GPC3: variants seen among roughly 807,000 people sequenced by gnomAD.
GPC3 encodes the protein glypican 3, also known as glypican-3.
Under a neutral mutation model 34.4 loss-of-function variants are expected in GPC3, and 3 were observed. That is an observed-to-expected ratio of 0.09 (90% CI 0.04 to 0.23). GPC3 has a LOEUF of 0.23. Ranked by LOEUF, GPC3 falls within the 10% of genes least tolerant of loss-of-function variation. The pLI, the probability that GPC3 is intolerant of heterozygous loss-of-function variation, is 1.00. For synonymous variants in GPC3, 177 were observed against 174.0 expected, an observed-to-expected ratio of 1.02 and a Z score of -0.13; for missense variants, 351 against 445.6, an observed-to-expected ratio of 0.79 and a Z score of 1.91.
intron 2 of GPC3, among the ~76,000 whole-genome samples, chrX:133,894,184 A>C (rs2076101448): frequency 9.0e-6 from 1 of 111,704 alleles, no homozygotes; most frequent in Non-Finnish European, 1.9e-5. Flanking sequence ...ATGCAAGTTC[A>C]TGTGCCTCTG....
At chrX:133,822,894 T>G (rs2075726309) in intron 2 of GPC3, among the ~76,000 whole-genome samples, 1 of 109,528 alleles carries the variant, frequency 9.1e-6, no homozygotes. Flanking sequence ...TTTGGGAGGC[T>G]GAGGCAGGCG....
intron 2 of GPC3, among the ~76,000 whole-genome samples, chrX:133,887,320 T>C (rs2124587027): frequency 8.9e-6 from 1 of 112,634 alleles, no homozygotes; most frequent in Non-Finnish European, 1.9e-5. Context: ...TTTCTCTACA[T>C]CCTCAATAAC....
chrX:133,784,004 C>T (rs115687294), intron 2 of GPC3, among the ~76,000 whole-genome samples: 1,154 of 111,579 alleles, frequency 0.01, 25 homozygotes, highest in African/African-American at 0.036. Flanking sequence ...TCTTTAGTAA[C>T]GAGAAACCTT....
chrX:133,809,495 G>T (rs1354624948), intron 2 of GPC3, among the ~76,000 whole-genome samples: 2 of 111,102 alleles, frequency 1.8e-5, no homozygotes, highest in Admixed American at 1.9e-4. Flanking sequence ...GATCCTTGTT[G>T]CAGCTTCCCA....
intron 2 of GPC3, among the ~76,000 whole-genome samples, chrX:133,755,696 G>A (rs1462468676): frequency 8.9e-6 from 1 of 112,069 alleles, no homozygotes; most frequent in East Asian, 2.8e-4. Flanking sequence ...CTTTCTGTAA[G>A]TTGTTGAATG....
At chrX:133,788,858 G>A (rs1398551487) in intron 2 of GPC3, among the ~76,000 whole-genome samples, 1 of 109,224 alleles carries the variant, frequency 9.2e-6, no homozygotes, top group African/African-American at 3.3e-5. Flanking sequence ...TGCAGACACT[G>A]AGGCTCAGAG....
intron 5 of GPC3, among the ~76,000 whole-genome samples, chrX:133,684,720 AAAC>A (rs972968398): frequency 3.1e-4 from 34 of 111,134 alleles, no homozygotes; most frequent in African/African-American, 9.5e-4. Flanking sequence ...ATAAATTAAA[AAAC>A]AACAACAACA....
intron 2 of GPC3, among the ~76,000 whole-genome samples, chrX:133,812,226 TTAAA>T (rs2075669477): frequency 8.9e-6 from 1 of 112,149 alleles, no homozygotes; most frequent in African/African-American, 3.2e-5. Flanking sequence ...ATAAAAATAT[TTAAA>T]TACTCTGGTG....
At chrX:133,847,601 A>G (rs2075852718) in intron 2 of GPC3, among the ~76,000 whole-genome samples, 1 of 112,230 alleles carries the variant, frequency 8.9e-6, no homozygotes, top group Non-Finnish European at 1.9e-5. Context: ...AAGATCTTTT[A>G]CAACAGTGAG....
intron 1 of GPC3, among the ~76,000 whole-genome samples, chrX:133,971,985 T>C (rs929455258): frequency 4.5e-5 from 5 of 112,116 alleles, no homozygotes; most frequent in Admixed American, 9.5e-5. Flanking sequence ...GAAAAGACTC[T>C]GAATGATTGA....
chrX:133,910,182 C>T (rs936594681), intron 2 of GPC3, among the ~76,000 whole-genome samples: 1 of 110,683 alleles, frequency 9.0e-6, no homozygotes, highest in Middle Eastern at 4.2e-3. Context: ...TCTCCATCCT[C>T]ATGGCTGGGG....
intron 6 of GPC3, among the ~76,000 whole-genome samples, chrX:133,659,823 C>A (rs921816295): frequency 1.8e-5 from 2 of 111,991 alleles, no homozygotes; most frequent in African/African-American, 6.5e-5. Context: ...ACCAGTTGAA[C>A]ATAGCCACCT....
At chrX:133,630,198 T>C (rs1374565531) in intron 6 of GPC3, among the ~76,000 whole-genome samples, 1 of 112,248 alleles carries the variant, frequency 8.9e-6, no homozygotes, top group Non-Finnish European at 1.9e-5. Context: ...TTCAACACAG[T>C]AAGGAATAAT....
At chrX:133,664,304 C>T (rs1209395330) in intron 5 of GPC3, among the ~76,000 whole-genome samples, 2 of 112,076 alleles carry the variant, frequency 1.8e-5, no homozygotes, top group African/African-American at 6.5e-5. Context: ...AATGTTGCAA[C>T]TTGAACATCT....
chrX:133,739,779 G>A (rs764733692), intron 3 of GPC3, among the ~76,000 whole-genome samples: 1 of 111,685 alleles, frequency 9.0e-6, no homozygotes, highest in African/African-American at 3.3e-5. Flanking sequence ...CATGGGGCAA[G>A]GGGTGAGGTG....
intron 6 of GPC3, 147 bp from the exon 7 acceptor site, chrX:133,596,746 C>A (rs2069921951): frequency 1.1e-5 from 6 of 568,742 alleles, no homozygotes; most frequent in Non-Finnish European, 1.8e-5. Flanking sequence ...TAGGTGTAAA[C>A]TGCTTATACT....
intron 5 of GPC3, among the ~76,000 whole-genome samples, chrX:133,684,706 C>T (rs1019888016): frequency 1.8e-5 from 2 of 110,641 alleles, no homozygotes; most frequent in African/African-American, 6.6e-5. Context: ...AGAAAAGCCA[C>T]CCTATAAATT....
intron 1 of GPC3, among the ~76,000 whole-genome samples, chrX:133,975,309 C>A (rs1235376207): frequency 8.9e-6 from 1 of 112,571 alleles, no homozygotes; most frequent in Non-Finnish European, 1.9e-5. Context: ...TTTTCTAATT[C>A]ATCTTCACTC....
chrX:133,821,610 G>A (rs1271314988), intron 2 of GPC3, among the ~76,000 whole-genome samples: 2 of 111,648 alleles, frequency 1.8e-5, no homozygotes, highest in Non-Finnish European at 3.8e-5. Flanking sequence ...ACGTCTGACT[G>A]GGCCTCAGCT....
Sources: gnomAD v4.1 joint callset for allele counts (sites outside exome capture counted in the v4.1 genomes callset) on GRCh38, gnomAD v4.1.1 for gene constraint, MANE v1.5 for transcripts, NCBI Gene and HGNC (gene_info 2026-07-23, HGNC 2026-07-21) for gene names.